ABTB3: variants seen among roughly 807,000 people sequenced by gnomAD.
ABTB3 encodes the protein ankyrin repeat and BTB domain containing 3, also known as ankyrin repeat- and BTB/POZ domain-containing protein 3.
At chr12:107,580,677 G>C in the ABTB3 span, 2 of 604,562 alleles carry the variant, frequency 3.3e-6, no homozygotes, top group Admixed American at 6.6e-5. Flanking sequence ...CGACAGGGAC[G>C]AGGCTGCAGA....
At chr12:107,648,186 G>C in the ABTB3 span, among the ~76,000 whole-genome samples, 1 of 152,182 alleles carries the variant, frequency 6.6e-6, no homozygotes, top group East Asian at 1.9e-4. Flanking sequence ...TTCAAGACCA[G>C]CCTAGGCAAC....
chr12:107,349,738 T>C, the ABTB3 span, among the ~76,000 whole-genome samples: 1 of 152,234 alleles, frequency 6.6e-6, no homozygotes, highest in Non-Finnish European at 1.5e-5. Flanking sequence ...GTATTGCATG[T>C]TTATCTGATA....
the ABTB3 span, among the ~76,000 whole-genome samples, chr12:107,508,936 C>A: frequency 1.6e-4 from 24 of 152,138 alleles, no homozygotes; most frequent in Non-Finnish European, 2.5e-4. Flanking sequence ...TCTCCAAAAC[C>A]TGACTAACCT....
the ABTB3 span, among the ~76,000 whole-genome samples, chr12:107,564,145 A>G: frequency 2.3e-5 from 3 of 128,372 alleles, no homozygotes; most frequent in Non-Finnish European, 4.8e-5. Context: ...TGTTTGGCTA[A>G]TCAGTTAAAT....
the ABTB3 span, among the ~76,000 whole-genome samples, chr12:107,369,392 G>GT: frequency 0.041 from 5,523 of 134,856 alleles, 347 homozygotes; most frequent in African/African-American, 0.13. Context: ...TCAAACAAGG[G>GT]TTTTTTTTTT....
chr12:107,324,094 T>C, the ABTB3 span, among the ~76,000 whole-genome samples: 42 of 152,322 alleles, frequency 2.8e-4, no homozygotes, highest in African/African-American at 9.6e-4. Flanking sequence ...TGAGATTATG[T>C]GTCTAAGCCT....
At chr12:107,553,659 C>A in the ABTB3 span, among the ~76,000 whole-genome samples, 1 of 152,196 alleles carries the variant, frequency 6.6e-6, no homozygotes, top group Non-Finnish European at 1.5e-5. Flanking sequence ...TCAGAAGAGA[C>A]TGGGCGTGGT....
the ABTB3 span, among the ~76,000 whole-genome samples, chr12:107,560,281 G>A: frequency 6.6e-6 from 1 of 152,190 alleles, no homozygotes; most frequent in Non-Finnish European, 1.5e-5. Context: ...CAATGGAGAG[G>A]AAATGGTTAT....
chr12:107,505,363 G>A, the ABTB3 span, among the ~76,000 whole-genome samples: 2 of 152,102 alleles, frequency 1.3e-5, no homozygotes, highest in Non-Finnish European at 2.9e-5. Context: ...ATTAAGCAGT[G>A]TGATTCTGAC....
the ABTB3 span, among the ~76,000 whole-genome samples, chr12:107,326,382 C>G: frequency 1.3e-5 from 2 of 152,086 alleles, no homozygotes; most frequent in Non-Finnish European, 2.9e-5. Context: ...CTACGTGTGG[C>G]CTTCAGTACC....
the ABTB3 span, among the ~76,000 whole-genome samples, chr12:107,417,529 A>G: frequency 6.6e-6 from 1 of 152,068 alleles, no homozygotes; most frequent in East Asian, 1.9e-4. Flanking sequence ...CTTAAATGGG[A>G]CTTTGACCAC....
the ABTB3 span, among the ~76,000 whole-genome samples, chr12:107,501,403 AAAACAAGG>A: frequency 1.6e-5 from 1 of 64,482 alleles, no homozygotes; most frequent in Admixed American, 1.3e-4. Flanking sequence ...AAAAAACAAG[AAAACAAGG>A]GAGGATGGCT....
At chr12:107,392,211 C>A in the ABTB3 span, among the ~76,000 whole-genome samples, 2 of 152,190 alleles carry the variant, frequency 1.3e-5, no homozygotes, top group Non-Finnish European at 2.9e-5. Context: ...TTGTGGCAGG[C>A]CGGGGTCCCT....
At chr12:107,520,841 G>A in the ABTB3 span, among the ~76,000 whole-genome samples, 1 of 152,160 alleles carries the variant, frequency 6.6e-6, no homozygotes, top group Non-Finnish European at 1.5e-5. Flanking sequence ...ACATTTCCTG[G>A]TTCCGCCATA....
chr12:107,644,738 C>T, the ABTB3 span, among the ~76,000 whole-genome samples: 3 of 152,048 alleles, frequency 2.0e-5, no homozygotes, highest in Non-Finnish European at 4.4e-5. Context: ...CCACCCTTTA[C>T]CCTCAAGCAG....
At chr12:107,644,123 T>A in the ABTB3 span, among the ~76,000 whole-genome samples, 1 of 151,900 alleles carries the variant, frequency 6.6e-6, no homozygotes, top group African/African-American at 2.4e-5. Flanking sequence ...AAATGATGCG[T>A]CCAAAGTCTT....
At chr12:107,526,824 C>A in the ABTB3 span, among the ~76,000 whole-genome samples, 1 of 152,234 alleles carries the variant, frequency 6.6e-6, no homozygotes, top group African/African-American at 2.4e-5. Context: ...ACAAAAACAG[C>A]GCTTTTTGCT....
At chr12:107,611,019 G>C in the ABTB3 span, among the ~76,000 whole-genome samples, 4 of 152,166 alleles carry the variant, frequency 2.6e-5, no homozygotes, top group African/African-American at 9.7e-5. Context: ...GTGAGTTCCA[G>C]AGAGGGAATG....
chr12:107,445,148 G>A, the ABTB3 span, among the ~76,000 whole-genome samples: 1 of 152,308 alleles, frequency 6.6e-6, no homozygotes, highest in African/African-American at 2.4e-5. Flanking sequence ...TCTTTCAGTG[G>A]ACAGGTATTG....
Sources: gnomAD v4.1 joint callset for allele counts (sites outside exome capture counted in the v4.1 genomes callset) on GRCh38, gnomAD v4.1.1 for gene constraint, MANE v1.5 for transcripts, NCBI Gene and HGNC (gene_info 2026-07-23, HGNC 2026-07-21) for gene names.